CPEB3: variants seen among roughly 807,000 people sequenced by gnomAD.
The protein encoded by CPEB3 is cytoplasmic polyadenylation element binding protein 3.
CPEB3 carries 20 observed loss-of-function variants against 67.2 expected under a neutral mutation model. The ratio of observed to expected loss-of-function variants is 0.30; its 90% CI spans 0.21 to 0.43. CPEB3 has a LOEUF of 0.43. CPEB3 is among the 20% of genes least tolerant of loss of function. The pLI is 1.00. For synonymous variants in CPEB3, 376 were observed against 393.1 expected (o/e 0.96, Z 0.51); for missense variants, 746 against 968.6 (o/e 0.77, Z 3.05).
intron 6 of CPEB3, among the ~76,000 whole-genome samples, chr10:92,115,164 G>A (rs1486323520): frequency 6.6e-6 from 1 of 152,182 alleles, no homozygotes; most frequent in Non-Finnish European, 1.5e-5. Flanking sequence ...CCATGGACGC[G>A]TCCCTGGAGA....
chr10:92,156,408 G>C (rs532299621), intron 4 of CPEB3, among the ~76,000 whole-genome samples: 2 of 152,080 alleles, frequency 1.3e-5, no homozygotes, highest in Admixed American at 6.6e-5. Flanking sequence ...GACACAAAGC[G>C]GTGTTTCAGA....
chr10:92,216,864 T>C (rs1850432663), intron 2 of CPEB3: 3 of 1,405,482 alleles, frequency 2.1e-6, no homozygotes, highest in Admixed American at 1.8e-5. Flanking sequence ...CTGGCTGTCC[T>C]CCTGCCCACC....
chr10:92,120,112 A>AAAAAAACAAGCAAAAAAAAAAAAAAT (rs1845278444), intron 6 of CPEB3, among the ~76,000 whole-genome samples: 1 of 145,252 alleles, frequency 6.9e-6, no homozygotes, highest in Non-Finnish European at 1.5e-5. Context: ...AAAAAAAAAA[A>AAAAAAACAAGCAAAAAAAAAAAAAAT]AAAAACCAAA....
At chr10:92,250,834 C>A (rs998315549) in intron 1 of CPEB3, among the ~76,000 whole-genome samples, 1 of 149,750 alleles carries the variant, frequency 6.7e-6, no homozygotes, top group Non-Finnish European at 1.5e-5. Flanking sequence ...GGACTACAGG[C>A]GCCTGCCACC....
intron 1 of CPEB3, among the ~76,000 whole-genome samples, chr10:92,270,940 G>A (rs1470347968): frequency 6.6e-6 from 1 of 152,152 alleles, no homozygotes; most frequent in Admixed American, 6.5e-5. Flanking sequence ...ACTTGGGGAG[G>A]CCAAGGCGGG....
chr10:92,135,534 G>C (rs988899084), intron 6 of CPEB3, among the ~76,000 whole-genome samples: 3 of 152,204 alleles, frequency 2.0e-5, no homozygotes, highest in African/African-American at 7.2e-5. Context: ...AGGATGTGGA[G>C]AAATAGGAAT....
At chr10:92,202,159 C>T (rs995532313) in intron 2 of CPEB3, among the ~76,000 whole-genome samples, 1 of 152,082 alleles carries the variant, frequency 6.6e-6, no homozygotes, top group Non-Finnish European at 1.5e-5. Context: ...TCATAAATTC[C>T]TAGTAGGAAT....
At chr10:92,282,584 G>A (rs1255591176) in intron 1 of CPEB3, among the ~76,000 whole-genome samples, 1 of 152,070 alleles carries the variant, frequency 6.6e-6, no homozygotes, top group East Asian at 1.9e-4. Flanking sequence ...AACTCAGGAG[G>A]CTGAAGCAGG....
At chr10:92,254,044 T>C (rs1852418360) in intron 1 of CPEB3, among the ~76,000 whole-genome samples, 1 of 151,870 alleles carries the variant, frequency 6.6e-6, no homozygotes, top group Admixed American at 6.6e-5. Flanking sequence ...CCTTAGGCAA[T>C]ATAGTGAGAC....
intron 8 of CPEB3, among the ~76,000 whole-genome samples, chr10:92,082,366 C>T (rs1051945047): frequency 6.6e-6 from 1 of 152,204 alleles, no homozygotes; most frequent in Admixed American, 6.5e-5. Context: ...CTCACTACAA[C>T]CTCCCCGGTT....
chr10:92,191,737 A>G (rs1446790830), intron 3 of CPEB3, among the ~76,000 whole-genome samples: 1 of 152,196 alleles, frequency 6.6e-6, no homozygotes, highest in Non-Finnish European at 1.5e-5. Context: ...TATAATGGAT[A>G]TTTCCATAGG....
intron 7 of CPEB3, among the ~76,000 whole-genome samples, chr10:92,093,754 A>G (rs1305345253): frequency 2.0e-5 from 3 of 152,040 alleles, no homozygotes; most frequent in Non-Finnish European, 4.4e-5. Context: ...TACCCACTTC[A>G]GCCTCCCAAA....
chr10:92,218,174 C>T (rs563734748), intron 2 of CPEB3, among the ~76,000 whole-genome samples: 28 of 151,776 alleles, frequency 1.8e-4, no homozygotes, highest in African/African-American at 6.3e-4. Context: ...TTTGGGAGGC[C>T]GAGGTGGGCA....
rs1554944344 is a variant in CPEB3, at chr10:92,289,751, A to ATATGTATTATATATTATAAATG, written c.-12+1174_-12+1175insCATTTATAATATATAATACATA. Among the ~76,000 whole-genome samples, 534 of 119,084 alleles carry ATATGTATTATATATTATAAATG rather than the reference A, an allele frequency of 4.5e-3. 13 individuals carry two copies. The highest frequency in any genetic ancestry group is 0.022 in the African/African-American group (504 of 23,314). The allele number at this position is 119,084 out of a possible 152,430, so 78.1% of individuals were successfully genotyped here. A position where few individuals can be genotyped will look rare whatever the true frequency, so the allele number is the denominator to read the frequency against. On this transcript the variant is annotated intron_variant, in intron 1 of 9. Coordinates refer to ENST00000265997, the MANE Select transcript of CPEB3 (RefSeq NM_014912.5). ...AAAAAAAATATATATATATATATAT[A>ATATGTATTATATATTATAAATG]TATATATGTATTATATATTATAAAT... is the stretch of plus-strand genomic sequence containing the variant.
At chr10:92,277,616 C>G (rs1842047649) in intron 1 of CPEB3, among the ~76,000 whole-genome samples, 1 of 152,166 alleles carries the variant, frequency 6.6e-6, no homozygotes, top group South Asian at 2.1e-4. Flanking sequence ...GGTGGCTGGG[C>G]ACAGTGGCTC....
chr10:92,183,296 T>TA (rs34273320), intron 3 of CPEB3, among the ~76,000 whole-genome samples: 28,598 of 152,032 alleles, frequency 0.19, 3,366 homozygotes, highest in East Asian at 0.4. Context: ...TATCTATATA[T>TA]AATTGTTCTA....
chr10:92,216,885 G>C, intron 2 of CPEB3: 2 of 1,181,670 alleles, frequency 1.7e-6, no homozygotes, highest in Non-Finnish European at 2.5e-6. Context: ...CACACTGACG[G>C]CATCTTCCCA....
At chr10:92,172,075 C>T (rs1032248486) in intron 4 of CPEB3, among the ~76,000 whole-genome samples, 1 of 152,058 alleles carries the variant, frequency 6.6e-6, no homozygotes, top group African/African-American at 2.4e-5. Flanking sequence ...GCAGGAGGAT[C>T]CTATGAGCCT....
intron 3 of CPEB3, among the ~76,000 whole-genome samples, chr10:92,188,311 A>G (rs1315211143): frequency 2.5e-5 from 3 of 121,450 alleles, no homozygotes; most frequent in African/African-American, 6.6e-5. Flanking sequence ...AAGTATATGT[A>G]AGACATAGTA....
Sources: allele counts gnomAD v4.1 joint callset (sites outside exome capture counted in the v4.1 genomes callset), GRCh38; gene constraint gnomAD v4.1.1; transcripts MANE v1.5; gene names NCBI Gene and HGNC (gene_info 2026-07-23, HGNC 2026-07-21).